PRR5: variants seen among roughly 807,000 people sequenced by gnomAD.
The protein encoded by PRR5 is proline-rich protein 5.
In PRR5, 25 loss-of-function variants were observed where a neutral mutation model predicts 30.6. The ratio of observed to expected loss-of-function variants is 0.82; its 90% confidence interval spans 0.60 to 1.14. The LOEUF is 1.14. PRR5 is among the 50% of genes most tolerant of loss of function. The pLI is 0.00. For synonymous variants in PRR5, 286 were observed against 247.1 expected, an observed-to-expected ratio of 1.16 and a Z score of -1.48; for missense variants, 600 against 547.1, an observed-to-expected ratio of 1.10 and a Z score of -0.96.
intron 1 of PRR5, among the ~76,000 whole-genome samples, chr22:44,693,477 G>A (rs1480721248): frequency 6.8e-6 from 1 of 146,324 alleles, no homozygotes; most frequent in East Asian, 1.9e-4. Context: ...AGTGTCAGCA[G>A]AGCCAAGAAT....
At chr22:44,714,082 C>T (rs1459107376) in intron 1 of PRR5, among the ~76,000 whole-genome samples, 1 of 152,020 alleles carries the variant, frequency 6.6e-6, no homozygotes, top group Non-Finnish European at 1.5e-5. Context: ...GGATTACAGG[C>T]GTGAGCCACC....
At chr22:44,723,745 A>G (rs1171659998) in intron 2 of PRR5, among the ~76,000 whole-genome samples, 3 of 152,228 alleles carry the variant, frequency 2.0e-5, no homozygotes, top group Non-Finnish European at 4.4e-5. Flanking sequence ...AAAATAAAAC[A>G]GTGGGAACAT....
In PRR5 at chr22:44,737,327, C is replaced by A; in HGVS notation, c.*80C>A. On this transcript the variant is annotated 3_prime_UTR_variant, in exon 8 of 8. Transcript: ENST00000336985. ...CCATGTGGCGTGTGTGTGAGTGAGA[C>A]TTTTTTACTGCGTCCCGTCCCGCCA... 3 of 1,507,370 alleles carry A rather than the reference C, an allele frequency of 2.0e-6. No homozygotes were observed. The highest frequency in any genetic ancestry group is 1.4e-5 in the African/African-American group (1 of 72,136). The allele number at this position is 1,507,370 out of a possible 1,614,324, so 93.4% of individuals were successfully genotyped here.
In PRR5 at chr22:44,709,615, A is replaced by G. The variant is rs1927833544; in HGVS notation, c.135-4976A>G. 2.6e-5 allele frequency among the ~76,000 whole-genome samples: 4 copies of G among 152,308 alleles called. No homozygotes were observed. In the South Asian group the frequency reaches 8.3e-4, roughly 32 times the overall value. On this transcript the variant is annotated intron_variant, in intron 1 of 7. Transcript: ENST00000336985. ...ACACCTGTAATCCCAGCACTTTGGAAGGCCAGCGCAGGCGGATCACCAGGT... is the reference window on the plus strand; with the variant it reads ...ACACCTGTAATCCCAGCACTTTGGAGGGCCAGCGCAGGCGGATCACCAGGT...
In PRR5 at chr22:44,688,878, C is replaced by T. The variant is rs192901624; in HGVS notation, c.-11+11638C>T. Reference sequence around the variant, plus strand: ...TGGTGCACGCCTGTGATCCCAGCTACTCGGGAGGCTGAAGCAGGAGACTGG... The same window carrying T: ...TGGTGCACGCCTGTGATCCCAGCTATTCGGGAGGCTGAAGCAGGAGACTGG... On this transcript the variant is annotated intron_variant, in intron 1 of 8. Transcript: ENST00000006251. 1.1e-3 allele frequency among the ~76,000 whole-genome samples: 167 copies of T among 152,230 alleles called. 1 individual carries two copies. Among genetic ancestry groups the T allele is most frequent in the African/African-American group, 3.7e-3 (155 of 41,534 alleles).
intron 2 of PRR5, among the ~76,000 whole-genome samples, chr22:44,716,043 G>A (rs1929003943): frequency 6.6e-6 from 1 of 152,164 alleles, no homozygotes; most frequent in African/African-American, 2.4e-5. Flanking sequence ...CTTCTCCCCT[G>A]CCCTCCTTGG....
At chr22:44,678,703 A>T (rs1923994279) in intron 1 of PRR5, among the ~76,000 whole-genome samples, 1 of 152,108 alleles carries the variant, frequency 6.6e-6, no homozygotes, top group African/African-American at 2.4e-5. Flanking sequence ...AGGCGGACCC[A>T]CGGCCCCCTC....
At chr22:44,724,784 T>C (rs1446048337) in intron 2 of PRR5, among the ~76,000 whole-genome samples, 1 of 152,178 alleles carries the variant, frequency 6.6e-6, no homozygotes, top group Non-Finnish European at 1.5e-5. Flanking sequence ...GCGGCTGGGT[T>C]GGTGAAGACT....
At chr22:44,696,057 G>A (rs1269893661) in intron 1 of PRR5, among the ~76,000 whole-genome samples, 1 of 150,314 alleles carries the variant, frequency 6.7e-6, no homozygotes, top group Non-Finnish European at 1.5e-5. Context: ...CTGAGTAGCT[G>A]GGATTACAGG....
intron 2 of PRR5, among the ~76,000 whole-genome samples, chr22:44,715,876 G>A (rs919342017): frequency 5.3e-5 from 8 of 152,138 alleles, no homozygotes; most frequent in African/African-American, 1.9e-4. Flanking sequence ...TCGAACTCCT[G>A]GGCTCAAGCC....
chr22:44,727,975 C>T (rs1009824822), intron 4 of PRR5, among the ~76,000 whole-genome samples: 14 of 152,244 alleles, frequency 9.2e-5, no homozygotes, highest in African/African-American at 3.4e-4. Flanking sequence ...GATGGCCACC[C>T]ACGCCCCTCG....
At position 44,735,040 on chromosome 22, in the gene PRR5, C is replaced by A. The variant is rs1922950492; in HGVS notation, c.569C>A (p.Ser190Tyr). The A allele has an allele frequency of 6.2e-7, 1 of 1,612,680 alleles. No homozygotes were observed. The change falls in exon 7 of 8, where the codon TCC (serine) becomes TAC (tyrosine). Residue 190 changes from serine to tyrosine, a missense_variant. By Grantham distance (144) the Ser-to-Tyr change is moderately radical. Coordinates refer to ENST00000336985, the MANE Select transcript of PRR5 (RefSeq NM_181333.4). Reference sequence around the variant, plus strand: ...ACTCTCCTGCAGGGGGTACATGAGTCCAGGGGCGTGACTGAGGACTACCTG... The same window carrying A: ...ACTCTCCTGCAGGGGGTACATGAGTACAGGGGCGTGACTGAGGACTACCTG... ...MLLVLQGVHESRGVTEDYLRL... is the reference protein window; with the variant it reads ...MLLVLQGVHEYRGVTEDYLRL...
intron 2 of PRR5, among the ~76,000 whole-genome samples, chr22:44,720,023 C>A (rs1377943111): frequency 1.3e-5 from 2 of 152,178 alleles, no homozygotes; most frequent in Non-Finnish European, 2.9e-5. Context: ...GCTGCAGCTT[C>A]GTCCCCTGGG....
chr22:44,683,592 C>T (rs1924481030), intron 1 of PRR5, among the ~76,000 whole-genome samples: 1 of 151,058 alleles, frequency 6.6e-6, no homozygotes, highest in Non-Finnish European at 1.5e-5. Flanking sequence ...CTGGGGGGAG[C>T]CAGCCAGGAG....
At chr22:44,672,192 C>T (rs1923464994), upstream of PRR5, among the ~76,000 whole-genome samples, 1 of 152,222 alleles carries the variant, frequency 6.6e-6, no homozygotes, top group South Asian at 2.1e-4. Flanking sequence ...TCCCCTGCCC[C>T]AGAGGAGTAG....
intron 1 of PRR5, among the ~76,000 whole-genome samples, chr22:44,708,217 AAACAAAT>A (rs1256144246): frequency 2.0e-5 from 3 of 152,082 alleles, no homozygotes; most frequent in African/African-American, 4.8e-5. Flanking sequence ...AACAAACAAA[AAACAAAT>A]AGGGAAACCA....
At chr22:44,727,972 A>C (rs1274785044) in intron 4 of PRR5, among the ~76,000 whole-genome samples, 1 of 152,334 alleles carries the variant, frequency 6.6e-6, no homozygotes, top group East Asian at 1.9e-4. Context: ...GAAGATGGCC[A>C]CCCACGCCCC....
intron 1 of PRR5, among the ~76,000 whole-genome samples, chr22:44,703,607 C>T (rs1475177854): frequency 6.6e-6 from 1 of 152,172 alleles, no homozygotes; most frequent in Admixed American, 6.5e-5. Context: ...CCTCCGTTTC[C>T]CTCTCCGTCA....
At chr22:44,705,576 CG>C (rs1356814156) in intron 1 of PRR5, among the ~76,000 whole-genome samples, 4 of 152,206 alleles carry the variant, frequency 2.6e-5, no homozygotes, top group Non-Finnish European at 5.9e-5. Flanking sequence ...CTGCCCACCT[CG>C]GCCTCCCAAA....
Sources: gnomAD v4.1 joint callset for allele counts (sites outside exome capture counted in the v4.1 genomes callset) on GRCh38, gnomAD v4.1.1 for gene constraint, MANE v1.5 for transcripts, NCBI Gene and HGNC (gene_info 2026-07-23, HGNC 2026-07-21) for gene names.